The following MECOM variants were observed in gnomAD, a reference collection of about 807,000 sequenced individuals.
MECOM encodes histone-lysine N-methyltransferase MECOM.
In MECOM, 13 loss-of-function variants were observed where a neutral mutation model predicts 116.3. The observed-to-expected ratio is 0.11, with a 90% CI of 0.07 to 0.18. The LOEUF (loss-of-function observed/expected upper bound fraction) is 0.18. Among genes scored for constraint, MECOM ranks in the 10% least tolerant of loss-of-function variants. The probability of loss-of-function intolerance (pLI) is 1.00; values close to 1 mark genes in which losing one functional copy is unlikely to be tolerated. For missense variants in MECOM, 1,299 were observed against 1,509.0 expected, an observed-to-expected ratio of 0.86 and a Z score of 2.31; for synonymous variants, 528 against 535.2, an observed-to-expected ratio of 0.99 and a Z score of 0.19.
At chr3:169,319,479 G>A (rs1486584396) in intron 2 of MECOM, among the ~76,000 whole-genome samples, 1 of 152,024 alleles carries the variant, frequency 6.6e-6, no homozygotes, top group Non-Finnish European at 1.5e-5. Context: ...TATAGATGAC[G>A]GGTTGATGGG....
At chr3:169,098,214 T>A (rs1010342476) in intron 12 of MECOM, among the ~76,000 whole-genome samples, 66 of 152,266 alleles carry the variant, frequency 4.3e-4, no homozygotes, top group Middle Eastern at 3.4e-3. Flanking sequence ...TATTTTAATA[T>A]CACCAATTTT....
Position 169,116,727 on chromosome 3 carries a change from T to C in MECOM, c.1145A>G (p.His382Arg). The change falls in exon 8 of 17, where the codon CAT becomes CGT. Residue 382 changes from histidine to arginine, a missense_variant. This residue lies in a region of MECOM where 42 missense variants were observed against 103.9 expected (regional missense o/e 0.40). Coordinates refer to ENST00000651503, the MANE Select transcript of MECOM (RefSeq NM_004991.4). Reference sequence around the variant, plus strand: ...GTTTGAAAACTGAGTATAGGATTTATGGCAGACCTCACCTGTGTGCAAACA... The same window carrying C: ...GTTTGAAAACTGAGTATAGGATTTACGGCAGACCTCACCTGTGTGCAAACA... ...SVKPFICEVC[H>R]KSYTQFSNLC... The C allele has an allele frequency of 1.2e-6, 2 of 1,605,772 alleles. No individual in the cohort carries two copies. Among genetic ancestry groups the C allele is most frequent in the Non-Finnish European group, 1.7e-6 (2 of 1,175,230 alleles).
chr3:169,089,537 T>C (rs569187094), intron 15 of MECOM, among the ~76,000 whole-genome samples: 1 of 152,290 alleles, frequency 6.6e-6, no homozygotes, highest in African/African-American at 2.4e-5. Context: ...GAAAATATAA[T>C]AGTCCCATCA....
At chr3:169,627,242 G>T (rs1410158731) in intron 1 of MECOM, among the ~76,000 whole-genome samples, 2 of 152,206 alleles carry the variant, frequency 1.3e-5, no homozygotes, top group African/African-American at 4.8e-5. Flanking sequence ...GAGGTTTGAA[G>T]GGAGATGCGA....
At chr3:169,315,494 T>G (rs1278906345) in intron 2 of MECOM, among the ~76,000 whole-genome samples, 1 of 152,180 alleles carries the variant, frequency 6.6e-6, no homozygotes, top group African/African-American at 2.4e-5. Flanking sequence ...AGAGACAAAT[T>G]CAACCATCTT....
chr3:169,617,237 A>AT (rs917057929), intron 1 of MECOM, among the ~76,000 whole-genome samples: 13 of 152,160 alleles, frequency 8.5e-5, no homozygotes. Context: ...GGTAATTATT[A>AT]TTTTTTATGT....
rs553702256 is a variant in MECOM at position 169,433,084 on chromosome 3, A to G, written c.38-51560T>C. Among the ~76,000 whole-genome samples, 14 of 152,352 alleles carry G rather than the reference A, an allele frequency of 9.2e-5. No individual in the cohort carries two copies. The South Asian group carries it at 1.9e-3, about 20-fold the overall frequency. The stretch of plus-strand genomic sequence containing the variant: ...TCAAGGGTAAGATATAAAAGTTTAT[A>G]GAAACGGTGAGACCCAATTGTGGAA... On this transcript the variant is annotated intron_variant, in intron 1 of 16. Coordinates refer to ENST00000651503, the MANE Select transcript of MECOM (RefSeq NM_004991.4).
chr3:169,553,520 C>T (rs1761656489), intron 1 of MECOM, among the ~76,000 whole-genome samples: 1 of 152,200 alleles, frequency 6.6e-6, no homozygotes, highest in African/African-American at 2.4e-5. Flanking sequence ...TACATTGTGG[C>T]AGGGACTGCT....
intron 1 of MECOM, among the ~76,000 whole-genome samples, chr3:169,447,031 T>C (rs1013343262): frequency 3.3e-5 from 5 of 152,240 alleles, no homozygotes; most frequent in Non-Finnish European, 5.9e-5. Context: ...TTTTATGTTA[T>C]GAAAAGGGAT....
intron 1 of MECOM, among the ~76,000 whole-genome samples, chr3:169,640,170 C>CA (rs11328866): frequency 2.7e-5 from 4 of 148,274 alleles, no homozygotes; most frequent in African/African-American, 1.0e-4. Flanking sequence ...ATTTTTAATT[C>CA]AAAAAAAATT....
chr3:169,358,196 T>C (rs1255816028), intron 2 of MECOM, among the ~76,000 whole-genome samples: 2 of 151,720 alleles, frequency 1.3e-5, no homozygotes, highest in Non-Finnish European at 2.9e-5. Flanking sequence ...CTCAAGAGCT[T>C]TGATGTAATG....
At chr3:169,314,447 A>G (rs762713366) in intron 2 of MECOM, among the ~76,000 whole-genome samples, 17 of 152,234 alleles carry the variant, frequency 1.1e-4, no homozygotes, top group African/African-American at 1.9e-4. Flanking sequence ...TTCTGCTCCA[A>G]TGTAACACCA....
intron 1 of MECOM, among the ~76,000 whole-genome samples, chr3:169,534,349 T>C (rs1048681847): frequency 6.6e-6 from 1 of 152,190 alleles, no homozygotes; most frequent in Non-Finnish European, 1.5e-5. Flanking sequence ...CAATTACATA[T>C]GCTCTGGTAG....
chr3:169,540,504 GC>G (rs1427531653), intron 1 of MECOM, among the ~76,000 whole-genome samples: 1 of 152,096 alleles, frequency 6.6e-6, no homozygotes, highest in Non-Finnish European at 1.5e-5. Context: ...CCATGTCATG[GC>G]CCTGCTTAAA....
intron 1 of MECOM, among the ~76,000 whole-genome samples, chr3:169,601,505 T>C (rs1025768195): frequency 1.3e-5 from 2 of 152,138 alleles, no homozygotes; most frequent in Non-Finnish European, 2.9e-5. Context: ...TACAGCACCA[T>C]TGAGTTCCAG....
chr3:169,209,739 C>T (rs1750457975), intron 2 of MECOM, among the ~76,000 whole-genome samples: 1 of 152,156 alleles, frequency 6.6e-6, no homozygotes, highest in East Asian at 1.9e-4. Flanking sequence ...AATAGGAATG[C>T]TTTTACACTG....
At chr3:169,346,733 T>C (rs889030743) in intron 2 of MECOM, among the ~76,000 whole-genome samples, 1 of 152,034 alleles carries the variant, frequency 6.6e-6, no homozygotes, top group Non-Finnish European at 1.5e-5. Flanking sequence ...TCCAAGACAC[T>C]ACTTAGTTAC....
chr3:169,578,118 G>T (rs1405191293), intron 1 of MECOM, among the ~76,000 whole-genome samples: 1 of 151,950 alleles, frequency 6.6e-6, no homozygotes, highest in Non-Finnish European at 1.5e-5. Context: ...ATAAATTAAG[G>T]GTAGTCTAAA....
chr3:169,456,412 T>C lies in MECOM; in HGVS notation c.38-74888A>G, dbSNP rs368742679. 3.2e-3 allele frequency among the ~76,000 whole-genome samples: 487 copies of C among 152,314 alleles called. 3 individuals carry two copies. The highest frequency in any genetic ancestry group is 0.011 in the African/African-American group (467 of 41,570). ...CAAATCAAGGCAATTAATCATTATA[T>C]ATTCACCAAGTCAGTAACAGTATAT... On this transcript the variant is annotated intron_variant, in intron 1 of 16. Coordinates refer to ENST00000651503, the MANE Select transcript of MECOM (RefSeq NM_004991.4).
Sources: allele counts gnomAD v4.1 joint callset (sites outside exome capture counted in the v4.1 genomes callset), GRCh38; gene constraint gnomAD v4.1.1; regional missense constraint gnomAD v4.1.1; transcripts MANE v1.5; gene names NCBI Gene and HGNC (gene_info 2026-07-23, HGNC 2026-07-21).